Variants in ZNF773 observed in about 807,000 individuals in gnomAD.
ZNF773 encodes zinc finger protein 773, also known as zinc finger protein 419B.
Under a neutral mutation model 12.8 loss-of-function variants are expected in ZNF773, and 11 were observed. That is an observed-to-expected ratio of 0.86 (90% CI 0.54 to 1.42). The LOEUF is 1.42. Among genes scored for constraint, ZNF773 ranks in the 40% most tolerant of loss-of-function variants. The probability of loss-of-function intolerance (pLI) is 0.00; values close to 1 mark genes in which losing one functional copy is unlikely to be tolerated. For missense variants in ZNF773, 518 were observed against 527.2 expected (o/e 0.98, Z 0.17); for synonymous variants, 175 against 178.4 (o/e 0.98, Z 0.15).
chr19:57,505,471 A>G (rs1308779912), intron 3 of ZNF773, 71 bp downstream of exon 3: 2 of 1,535,562 alleles, frequency 1.3e-6, no homozygotes, highest in East Asian at 2.3e-5. Context: ...GAGTCTTTCC[A>G]GTGGGCCCAG....
At chr19:57,510,012 A>G (rs1019381144), downstream of ZNF773, among the ~76,000 whole-genome samples, 1 of 152,252 alleles carries the variant, frequency 6.6e-6, no homozygotes, top group Non-Finnish European at 1.5e-5. Context: ...AACCACATGA[A>G]TATAGACAGA....
rs2089747896 is a variant in ZNF773 at position 57,507,135 on chromosome 19, T to C, written c.1040T>C (p.Ile347Thr). Residue 347 changes from isoleucine to threonine, a missense_variant, in exon 4 of 4, where the codon ATC (isoleucine) becomes ACC (threonine). Physicochemically the swap from Ile to Thr is moderately conservative, Grantham distance 89. Coordinates refer to ENST00000282292, the MANE Select transcript of ZNF773 (RefSeq NM_198542.3). ...TTCTATAGCCACAAGTCCAGCCTTA[T>C]CAATCATTGGCGTGTTCACACTGGA... ...GKFYSHKSSL[I>T]NHWRVHTGER... 6.2e-7 allele frequency: 1 copy of C among 1,614,198 alleles called. No homozygotes were observed. Among genetic ancestry groups the C allele is most frequent in the Non-Finnish European group, 8.5e-7 (1 of 1,180,014 alleles).
chr19:57,508,437 ATCT>A (rs1193103871), downstream of ZNF773: 2 of 659,090 alleles, frequency 3.0e-6, no homozygotes, highest in Admixed American at 2.4e-5. Flanking sequence ...TGAATGTTAG[ATCT>A]TCTTTAATAA....
chr19:57,506,512 A>T lies in ZNF773; in HGVS notation c.417A>T (p.Arg139Ser). 4 of 1,614,248 alleles carry T rather than the reference A, an allele frequency of 2.5e-6. No homozygotes were observed. The highest frequency in any genetic ancestry group is 3.4e-6 in the Non-Finnish European group (4 of 1,180,044). Residue 139 changes from arginine to serine, a missense_variant, in exon 4 of 4, where the codon AGA becomes AGT. Coordinates refer to ENST00000282292, the MANE Select transcript of ZNF773 (RefSeq NM_198542.3). ...EGRVPVLRSCRVHLSEKSLQS... is the reference protein window; with the variant it reads ...EGRVPVLRSCSVHLSEKSLQS... ...GGGTCCCAGTTTTGAGGAGTTGCAG[A>T]GTCCACCTATCAGAGAAGTCCTTGC...
At chr19:57,502,899 G>T (rs2089686105) in intron 1 of ZNF773, among the ~76,000 whole-genome samples, 1 of 152,030 alleles carries the variant, frequency 6.6e-6, no homozygotes, top group South Asian at 2.1e-4. Context: ...CACCGTGTTA[G>T]CCAGGATGAT....
At chr19:57,508,418 C>T, downstream of ZNF773, 1 of 639,324 alleles carries the variant, frequency 1.6e-6, no homozygotes, top group South Asian at 1.8e-5. Context: ...CTCACTTTTG[C>T]TGTTCTTATG....
intron 1 of ZNF773, 96 bp from the exon 2 acceptor site, chr19:57,504,561 G>T: frequency 6.5e-7 from 1 of 1,549,770 alleles, no homozygotes; most frequent in Non-Finnish European, 8.8e-7. Flanking sequence ...CTGAGATGGG[G>T]ATTAAGGAAG....
chr19:57,509,065 G>A (rs919291235), downstream of ZNF773, among the ~76,000 whole-genome samples: 3 of 152,272 alleles, frequency 2.0e-5, no homozygotes, highest in African/African-American at 2.4e-5. Context: ...CTCCCAAAAT[G>A]CTGGGATTAC....
chr19:57,505,847 C>T (rs536568727), intron 3 of ZNF773, among the ~76,000 whole-genome samples: 1 of 151,758 alleles, frequency 6.6e-6, no homozygotes, highest in East Asian at 1.9e-4. Flanking sequence ...GTAGCCAGGA[C>T]TACAGGCGCC....
intron 1 of ZNF773, among the ~76,000 whole-genome samples, chr19:57,501,133 G>A (rs2089665141): frequency 6.6e-6 from 1 of 152,180 alleles, no homozygotes; most frequent in Non-Finnish European, 1.5e-5. Flanking sequence ...AGCACCTTTG[G>A]TGCCTAAGTT....
At chr19:57,511,412 C>T (rs555797365), downstream of ZNF773, among the ~76,000 whole-genome samples, 62 of 152,010 alleles carry the variant, frequency 4.1e-4, no homozygotes, top group African/African-American at 7.0e-4. Flanking sequence ...TATGAATGTA[C>T]GGTAATTGAG....
downstream of ZNF773, chr19:57,512,892 T>G: frequency 3.0e-6 from 3 of 1,003,584 alleles, no homozygotes; most frequent in Non-Finnish European, 4.1e-6. Flanking sequence ...TCTCTGTGGA[T>G]TCTACCTAAT....
At chr19:57,506,184 T>C (rs138119259) in intron 3 of ZNF773, among the ~76,000 whole-genome samples, 174 bp from the exon 4 acceptor site, 2 of 152,160 alleles carry the variant, frequency 1.3e-5, no homozygotes, top group Non-Finnish European at 2.9e-5. Flanking sequence ...TCCCCAAATC[T>C]GTGAGCTAGC....
chr19:57,502,873 A>G (rs1354238551), intron 1 of ZNF773, among the ~76,000 whole-genome samples: 3 of 151,934 alleles, frequency 2.0e-5, no homozygotes, highest in Non-Finnish European at 2.9e-5. Context: ...TTGTATTTTT[A>G]GTAGAGATGG....
At chr19:57,509,181 T>C (rs776397940), downstream of ZNF773, among the ~76,000 whole-genome samples, 102 of 152,244 alleles carry the variant, frequency 6.7e-4, no homozygotes, top group Non-Finnish European at 9.8e-4. Context: ...TTTGTTATCT[T>C]ATTCCTTGTG....
In ZNF773 at chr19:57,507,208, C is replaced by T. The variant is rs1201641711; in HGVS notation, c.1113C>T (p.Ser371=). ...CSECGKFFSQ[S]SSLMQHRKVH... is the part of the protein sequence containing the mutation. ...AATGTGGGAAATTTTTTAGCCAAAG[C>T]TCAAGCCTCATGCAACATCGAAAAG... The change falls in exon 4 of 4, where the codon AGC becomes AGT. Residue 371 remains serine (S), a synonymous_variant. Transcript: ENST00000282292. The T allele has an allele frequency of 4.3e-6, 7 of 1,614,026 alleles. 1 individual carries two copies. The highest frequency in any genetic ancestry group is 4.0e-5 in the African/African-American group (3 of 74,978).
At chr19:57,513,047 G>A (rs374758282), downstream of ZNF773, 16 of 1,561,146 alleles carry the variant, frequency 1.0e-5, no homozygotes, top group South Asian at 3.6e-5. Context: ...CACAAGTGGC[G>A]CCCGAACAGG....
downstream of ZNF773, among the ~76,000 whole-genome samples, chr19:57,512,400 ATTTTTTTT>A (rs747914066): frequency 3.5e-5 from 4 of 113,280 alleles, no homozygotes; most frequent in Admixed American, 1.0e-4. Context: ...AAGATGCAGT[ATTTTTTTT>A]TTTTTTTTTT....
At position 57,507,610 on chromosome 19, in the gene ZNF773, C is replaced by T. The variant is rs540774743; in HGVS notation, c.*186C>T. The T allele has an allele frequency of 8.5e-4, 1,193 of 1,401,388 alleles. 14 individuals carry two copies. In the South Asian group the frequency reaches 0.012, roughly 14 times the overall value. 86.8% of individuals were successfully genotyped at this position (1,401,388 alleles called of 1,614,324 possible). ...AAAAGGCCTCAGCCAAAGGCCTAAC[C>T]GTATTCAACACCAGAAAGTTTAGAC... On this transcript the variant is annotated 3_prime_UTR_variant, in exon 4 of 4. Coordinates refer to ENST00000282292, the MANE Select transcript of ZNF773 (RefSeq NM_198542.3).
Sources: gnomAD v4.1 joint callset for allele counts (sites outside exome capture counted in the v4.1 genomes callset) on GRCh38, gnomAD v4.1.1 for gene constraint, MANE v1.5 for transcripts, NCBI Gene and HGNC (gene_info 2026-07-23, HGNC 2026-07-21) for gene names.